RNF150: variants seen among roughly 807,000 people sequenced by gnomAD.
RNF150 encodes the protein ring finger protein 150.
Under a neutral mutation model 39.3 loss-of-function variants are expected in RNF150, and 24 were observed. The observed-to-expected ratio is 0.61, with a 90% CI of 0.44 to 0.86. The LOEUF (loss-of-function observed/expected upper bound fraction) is 0.86. Ranked by LOEUF, RNF150 falls within the 40% of genes least tolerant of loss-of-function variation. The pLI, the probability that RNF150 is intolerant of heterozygous loss-of-function variation, is 0.00. For synonymous variants in RNF150, 255 were observed against 227.3 expected (o/e 1.12, Z -1.10); for missense variants, 502 against 587.8 (o/e 0.85, Z 1.51).
chr4:141,080,053 T>TG (rs1281367915), intron 1 of RNF150, among the ~76,000 whole-genome samples: 2 of 66,030 alleles, frequency 3.0e-5, no homozygotes, highest in Non-Finnish European at 7.4e-5. Context: ...CACTGAAAAG[T>TG]GGAAAAAAAA....
chr4:140,988,553 T>C (rs1734086943), intron 1 of RNF150, among the ~76,000 whole-genome samples: 1 of 152,160 alleles, frequency 6.6e-6, no homozygotes, highest in Admixed American at 6.6e-5. Context: ...GTTTGTTACA[T>C]ATGTATACAT....
At chr4:140,882,085 T>C (rs1729394925) in intron 6 of RNF150, among the ~76,000 whole-genome samples, 1 of 152,044 alleles carries the variant, frequency 6.6e-6, no homozygotes, top group African/African-American at 2.4e-5. Flanking sequence ...AGTGGTGCAA[T>C]CTCGGCTCAC....
intron 1 of RNF150, among the ~76,000 whole-genome samples, chr4:141,139,255 G>T (rs967469941): frequency 3.3e-5 from 5 of 152,208 alleles, no homozygotes; most frequent in African/African-American, 1.2e-4. Flanking sequence ...ATGTTTATAT[G>T]GTTGCCATCT....
rs1727821701 is a variant in RNF150, at chr4:141,176,816, T to C, written c.-6+35978A>G. Among the ~76,000 whole-genome samples, 11 of 152,066 alleles carry C rather than the reference T, an allele frequency of 7.2e-5. No homozygotes were observed. The South Asian group carries it at 2.3e-3, about 31-fold the overall frequency. Reference sequence around the variant, plus strand: ...AATACAAAAAGTTAATTCTACAATATCAATTTACACTTACATATGAAACTA... The same window carrying C: ...AATACAAAAAGTTAATTCTACAATACCAATTTACACTTACATATGAAACTA... On this transcript the variant is annotated intron_variant, in intron 1 of 7. Transcript: ENST00000420921.
intron 4 of RNF150, chr4:140,944,899 C>T (rs539076339): frequency 9.9e-5 from 15 of 152,222 alleles, no homozygotes; most frequent in Admixed American, 5.2e-4. Flanking sequence ...AAAAAGCAAA[C>T]GCCAGTGCAT....
intron 6 of RNF150, among the ~76,000 whole-genome samples, chr4:140,906,594 G>C (rs905843902): frequency 6.6e-6 from 1 of 152,262 alleles, no homozygotes; most frequent in Non-Finnish European, 1.5e-5. Flanking sequence ...TTGATGGGAA[G>C]TTAGCAAAGG....
At chr4:141,203,886 C>T (rs1430151695) in intron 1 of RNF150, among the ~76,000 whole-genome samples, 1 of 151,920 alleles carries the variant, frequency 6.6e-6, no homozygotes, top group Non-Finnish European at 1.5e-5. Flanking sequence ...AAAAGTTCTT[C>T]TCTAGACCTT....
In RNF150 at chr4:141,187,868, G is replaced by A. The variant is rs140957145; in HGVS notation, c.-6+24926C>T. Among the ~76,000 whole-genome samples the A allele has an allele frequency of 9.6e-4, 146 of 152,314 alleles. 2 individuals carry two copies. The East Asian group carries it at 0.016, about 16-fold the overall frequency. On this transcript the variant is annotated intron_variant, in intron 1 of 7. Transcript: ENST00000420921. Reference sequence around the variant, plus strand: ...TTATATTTAAATTTAATATTGTTATGTGTGAATGTGATCCTGTCTCATGAT... The same window carrying A: ...TTATATTTAAATTTAATATTGTTATATGTGAATGTGATCCTGTCTCATGAT...
At chr4:140,973,674 A>AC (rs1429880822) in intron 1 of RNF150, among the ~76,000 whole-genome samples, 3 of 151,950 alleles carry the variant, frequency 2.0e-5, no homozygotes, top group Non-Finnish European at 4.4e-5. Flanking sequence ...GTCAGGAGTT[A>AC]AAGACCAGCT....
chr4:140,877,445 G>C (rs1269866729), intron 6 of RNF150, among the ~76,000 whole-genome samples: 2 of 152,190 alleles, frequency 1.3e-5, no homozygotes, highest in Non-Finnish European at 2.9e-5. Flanking sequence ...AAAAGAGAAA[G>C]TTGCCAAATG....
intron 1 of RNF150, among the ~76,000 whole-genome samples, chr4:141,210,250 C>T (rs1728440735): frequency 6.6e-6 from 1 of 152,098 alleles, no homozygotes; most frequent in African/African-American, 2.4e-5. Flanking sequence ...ACAATTCTTT[C>T]CACCAGTGAG....
chr4:140,922,736 T>C (rs1177511266), intron 5 of RNF150, among the ~76,000 whole-genome samples: 1 of 152,084 alleles, frequency 6.6e-6, no homozygotes, highest in African/African-American at 2.4e-5. Flanking sequence ...AAGGCTACAG[T>C]AATCAAAACA....
In RNF150 at chr4:141,062,122, C is replaced by T. The variant is rs1182733014; in HGVS notation, c.484+70203G>A. Among the ~76,000 whole-genome samples, 7 of 151,916 alleles carry T rather than the reference C, an allele frequency of 4.6e-5. No individual in the cohort carries two copies. In the East Asian group the frequency reaches 1.2e-3, roughly 25 times the overall value. The stretch of plus-strand genomic sequence containing the variant: ...TTTCATACTACAGCAGAGAAATAAC[C>T]TTATTAAAACTAAAACAAGGAAATT... On this transcript the variant is annotated intron_variant, in intron 1 of 6. Transcript: ENST00000515673.
intron 1 of RNF150, among the ~76,000 whole-genome samples, chr4:141,072,998 A>G (rs1182148604): frequency 6.6e-6 from 1 of 152,106 alleles, no homozygotes; most frequent in Non-Finnish European, 1.5e-5. Context: ...TAGGTAAACC[A>G]TCACTAGAGG....
chr4:141,191,400 T>C (rs944576728), intron 1 of RNF150, among the ~76,000 whole-genome samples: 6 of 152,222 alleles, frequency 3.9e-5, no homozygotes, highest in Non-Finnish European at 7.3e-5. Flanking sequence ...TCAGAACCTC[T>C]GGTTCTAGCT....
chr4:141,183,612 G>A (rs191757270), intron 1 of RNF150, among the ~76,000 whole-genome samples: 19 of 151,978 alleles, frequency 1.3e-4, no homozygotes, highest in Admixed American at 9.2e-4. Context: ...ATGTATACAT[G>A]TGCCATGGTA....
intron 2 of RNF150, among the ~76,000 whole-genome samples, chr4:140,964,355 T>C (rs752192828): frequency 2.1e-5 from 3 of 145,638 alleles, no homozygotes; most frequent in Non-Finnish European, 4.4e-5. Flanking sequence ...ATGGGGCTAG[T>C]ATCTATTAAG....
chr4:141,176,903 G>T (rs950058451), intron 1 of RNF150, among the ~76,000 whole-genome samples: 1 of 152,072 alleles, frequency 6.6e-6, no homozygotes, highest in African/African-American at 2.4e-5. Flanking sequence ...TGAAAAGGAA[G>T]ATTACAATGC....
At chr4:141,076,120 T>C (rs986094194) in intron 1 of RNF150, among the ~76,000 whole-genome samples, 4 of 152,170 alleles carry the variant, frequency 2.6e-5, no homozygotes, top group Non-Finnish European at 5.9e-5. Flanking sequence ...ACTCTAAAGA[T>C]TTCTGTGAAG....
Sources: gnomAD v4.1 joint callset for allele counts (sites outside exome capture counted in the v4.1 genomes callset) on GRCh38, gnomAD v4.1.1 for gene constraint, MANE v1.5 for transcripts, NCBI Gene and HGNC (gene_info 2026-07-23, HGNC 2026-07-21) for gene names.